The following OR2L13 variants were observed in gnomAD, a reference collection of about 807,000 sequenced individuals.
OR2L13 encodes olfactory receptor family 2 subfamily L member 13.
Under a neutral mutation model 15.3 loss-of-function variants are expected in OR2L13, and 14 were observed. The ratio of observed to expected loss-of-function variants is 0.91; its 90% CI spans 0.60 to 1.43. The LOEUF (loss-of-function observed/expected upper bound fraction) is 1.43. Among genes scored for constraint, OR2L13 ranks in the 40% most tolerant of loss-of-function variants. OR2L13 has a pLI of 0.00. For synonymous variants in OR2L13, 152 were observed against 142.9 expected (o/e 1.06, Z -0.45); for missense variants, 367 against 387.9 (o/e 0.95, Z 0.45).
At chr1:247,994,259 T>C in the OR2L13 span, among the ~76,000 whole-genome samples, 5 of 151,932 alleles carry the variant, frequency 3.3e-5, no homozygotes, top group East Asian at 1.9e-4. Flanking sequence ...TAGCCGGGCG[T>C]GGTGGCGGGC....
At chr1:247,972,438 C>T in the OR2L13 span, among the ~76,000 whole-genome samples, 1 of 152,072 alleles carries the variant, frequency 6.6e-6, no homozygotes, top group Non-Finnish European at 1.5e-5. Flanking sequence ...GGGATATCAC[C>T]ACTGATCCCA....
At chr1:247,953,877 C>T in the OR2L13 span, among the ~76,000 whole-genome samples, 1 of 152,224 alleles carries the variant, frequency 6.6e-6, no homozygotes, top group East Asian at 1.9e-4. Flanking sequence ...TATCTTTACA[C>T]CCCCATATAC....
the OR2L13 span, chr1:248,061,537 C>A: frequency 6.2e-7 from 1 of 1,613,894 alleles, no homozygotes; most frequent in Non-Finnish European, 8.5e-7. Flanking sequence ...AATGCTCAAC[C>A]CCATCATCTA....
the OR2L13 span, among the ~76,000 whole-genome samples, chr1:247,988,301 C>A: frequency 6.6e-6 from 1 of 151,802 alleles, no homozygotes; most frequent in Non-Finnish European, 1.5e-5. Context: ...ATAGAATTTT[C>A]CCAATTTGTC....
chr1:247,989,994 A>G, the OR2L13 span, among the ~76,000 whole-genome samples: 5,900 of 152,226 alleles, frequency 0.039, 351 homozygotes, highest in African/African-American at 0.13. Context: ...AAAGAAAAAA[A>G]CTGCATTCAC....
chr1:248,003,841 C>T, the OR2L13 span: 1 of 1,613,360 alleles, frequency 6.2e-7, no homozygotes, highest in Non-Finnish European at 8.5e-7. Flanking sequence ...AGAAGGCCTA[C>T]CTGACCTGCA....
intron 2 of OR2L13, 100 bp from the exon 3 acceptor site, chr1:248,099,258 T>G (rs887519719): frequency 4.2e-6 from 3 of 708,144 alleles, no homozygotes; most frequent in South Asian, 1.8e-5. Flanking sequence ...AAACAACTCA[T>G]TCTAAACAAA....
chr1:248,050,443 T>C, the OR2L13 span, among the ~76,000 whole-genome samples: 138 of 152,256 alleles, frequency 9.1e-4, no homozygotes, highest in African/African-American at 3.2e-3. Flanking sequence ...CTGAGGCTGC[T>C]TTCCTGTCAG....
the OR2L13 span, among the ~76,000 whole-genome samples, chr1:247,946,116 T>C: frequency 1.7e-3 from 252 of 152,302 alleles, 1 homozygote; most frequent in Middle Eastern, 0.017. Context: ...TTTGATACTA[T>C]TGTTAATAAA....
the OR2L13 span, among the ~76,000 whole-genome samples, chr1:247,983,607 A>G: frequency 6.6e-6 from 1 of 152,222 alleles, no homozygotes; most frequent in Non-Finnish European, 1.5e-5. Flanking sequence ...AGACAGATAT[A>G]TAATGGCTGA....
chr1:247,964,451 A>G, the OR2L13 span, among the ~76,000 whole-genome samples: 1 of 152,188 alleles, frequency 6.6e-6, no homozygotes, highest in African/African-American at 2.4e-5. Flanking sequence ...AGAGTATGAA[A>G]TTTGCACTCT....
chr1:248,065,510 T>A, the OR2L13 span, among the ~76,000 whole-genome samples: 1 of 151,710 alleles, frequency 6.6e-6, no homozygotes, highest in Non-Finnish European at 1.5e-5. Context: ...TGTATACATG[T>A]GCCATGCTGG....
chr1:248,064,977 C>T, the OR2L13 span, among the ~76,000 whole-genome samples: 1 of 152,160 alleles, frequency 6.6e-6, no homozygotes, highest in Non-Finnish European at 1.5e-5. Context: ...TACTCAGAGG[C>T]CACTCCTTTC....
the OR2L13 span, among the ~76,000 whole-genome samples, chr1:248,073,068 C>T: frequency 2.0e-5 from 3 of 151,306 alleles, no homozygotes; most frequent in African/African-American, 2.4e-5. Flanking sequence ...GTCAGTGTGG[C>T]GATTCCTCAG....
At chr1:248,017,143 G>T in the OR2L13 span, among the ~76,000 whole-genome samples, 2 of 152,008 alleles carry the variant, frequency 1.3e-5, no homozygotes, top group African/African-American at 4.8e-5. Context: ...TGATGCCCAG[G>T]TATATACATT....
chr1:247,978,398 C>A, the OR2L13 span, among the ~76,000 whole-genome samples: 21 of 152,294 alleles, frequency 1.4e-4, no homozygotes, highest in East Asian at 3.7e-3. Flanking sequence ...CAGGCCTGTG[C>A]CACCGTGCCC....
At chr1:248,085,203 C>T in the OR2L13 span, among the ~76,000 whole-genome samples, 1 of 151,652 alleles carries the variant, frequency 6.6e-6, no homozygotes. Context: ...GACTGCAGAC[C>T]TCCACTGCCT....
chr1:247,970,987 C>G, the OR2L13 span, among the ~76,000 whole-genome samples: 9 of 152,092 alleles, frequency 5.9e-5, no homozygotes, highest in African/African-American at 1.9e-4. Flanking sequence ...ATGTCCTTCA[C>G]TCCTTTACTG....
At chr1:248,061,786 T>C in the OR2L13 span, 1 of 528,326 alleles carries the variant, frequency 1.9e-6, no homozygotes, top group East Asian at 3.1e-5. Context: ...TATATGTATA[T>C]ATAACTCCAA....
Sources: allele counts gnomAD v4.1 joint callset (sites outside exome capture counted in the v4.1 genomes callset), GRCh38; gene constraint gnomAD v4.1.1; transcripts MANE v1.5; gene names NCBI Gene and HGNC (gene_info 2026-07-23, HGNC 2026-07-21).